CLVS1: variants seen among roughly 807,000 people sequenced by gnomAD.
CLVS1 encodes the protein clavesin-1.
In CLVS1, 10 loss-of-function variants were observed where a neutral mutation model predicts 33.1. That is an observed-to-expected ratio of 0.30 (90% confidence interval 0.19 to 0.51). The LOEUF (loss-of-function observed/expected upper bound fraction) is 0.51, where lower values mean the gene tolerates loss of function less well. Ranked by LOEUF, CLVS1 falls within the 20% of genes least tolerant of loss-of-function variation. The pLI, the probability that CLVS1 is intolerant of heterozygous loss-of-function variation, is 0.97. For synonymous variants in CLVS1, 163 were observed against 166.1 expected (o/e 0.98, Z 0.14); for missense variants, 343 against 433.4 (o/e 0.79, Z 1.85).
chr8:60,974,710 C>A, the CLVS1 span, among the ~76,000 whole-genome samples: 1 of 149,932 alleles, frequency 6.7e-6, no homozygotes, highest in African/African-American at 2.5e-5. Context: ...ACCCGGGAGG[C>A]GGAGCTTGCA....
chr8:61,236,230 T>C (rs570849366), intron 2 of CLVS1, among the ~76,000 whole-genome samples: 30 of 152,234 alleles, frequency 2.0e-4, no homozygotes, highest in Admixed American at 7.2e-4. Flanking sequence ...GCATGAGATA[T>C]GGGCACAACA....
At chr8:61,099,878 A>G (rs1805418037) in intron 1 of CLVS1, among the ~76,000 whole-genome samples, 1 of 152,244 alleles carries the variant, frequency 6.6e-6, no homozygotes, top group Admixed American at 6.5e-5. Flanking sequence ...TACAGAATAT[A>G]CTTAAAAATA....
chr8:61,095,808 T>C (rs1238738081), intron 1 of CLVS1, among the ~76,000 whole-genome samples: 1 of 152,224 alleles, frequency 6.6e-6, no homozygotes, highest in African/African-American at 2.4e-5. Context: ...TAGTCAGATA[T>C]CTTTTTTTAT....
At chr8:61,170,515 A>C (rs897215692) in intron 2 of CLVS1, among the ~76,000 whole-genome samples, 19 of 152,210 alleles carry the variant, frequency 1.2e-4, no homozygotes, top group African/African-American at 3.9e-4. Flanking sequence ...CACTGTGAAG[A>C]ATTCCTTATA....
intron 2 of CLVS1, among the ~76,000 whole-genome samples, chr8:61,365,535 A>G (rs1813166746): frequency 6.6e-6 from 1 of 152,102 alleles, no homozygotes; most frequent in African/African-American, 2.4e-5. Context: ...GTCAAAAAAA[A>G]AAAAAATCTA....
At chr8:61,286,101 C>A (rs1363306240), upstream of CLVS1, among the ~76,000 whole-genome samples, 1 of 151,850 alleles carries the variant, frequency 6.6e-6, no homozygotes, top group Non-Finnish European at 1.5e-5. Flanking sequence ...AACTCTGCAG[C>A]CCCAGTGACT....
At chr8:61,021,517 A>ATT in the CLVS1 span, among the ~76,000 whole-genome samples, 3 of 141,756 alleles carry the variant, frequency 2.1e-5, no homozygotes, top group Non-Finnish European at 4.7e-5. Context: ...TGACTGGCTA[A>ATT]TTTTTTTTTT....
chr8:61,141,222 TC>T (rs1563418225), intron 2 of CLVS1, among the ~76,000 whole-genome samples: 2 of 152,174 alleles, frequency 1.3e-5, no homozygotes, highest in Non-Finnish European at 2.9e-5. Flanking sequence ...CTGCTTCTCC[TC>T]CTCCTTTTTC....
At chr8:61,492,158 C>A (rs942297878) in intron 5 of CLVS1, among the ~76,000 whole-genome samples, 1 of 152,126 alleles carries the variant, frequency 6.6e-6, no homozygotes, top group African/African-American at 2.4e-5. Context: ...AGGCTCCAGA[C>A]CAATGCTATC....
intron 2 of CLVS1, among the ~76,000 whole-genome samples, chr8:61,246,849 G>C (rs1808821254): frequency 6.6e-6 from 1 of 151,998 alleles, no homozygotes; most frequent in South Asian, 2.1e-4. Flanking sequence ...GTGAAAGTTT[G>C]TTACATAGAT....
intron 3 of CLVS1, among the ~76,000 whole-genome samples, chr8:61,390,190 T>C (rs112506893): frequency 0.022 from 3,358 of 152,328 alleles, 107 homozygotes; most frequent in African/African-American, 0.076. Flanking sequence ...TATACCCAAT[T>C]CTACTCAGAA....
At chr8:61,398,457 C>T (rs1814622613) in intron 3 of CLVS1, among the ~76,000 whole-genome samples, 1 of 152,156 alleles carries the variant, frequency 6.6e-6, no homozygotes, top group Non-Finnish European at 1.5e-5. Flanking sequence ...GCTGGGATTG[C>T]AGACGTGAGC....
intron 5 of CLVS1, among the ~76,000 whole-genome samples, chr8:61,491,854 A>C (rs1180220844): frequency 6.6e-6 from 1 of 152,236 alleles, no homozygotes; most frequent in Admixed American, 6.5e-5. Context: ...TTTCACTTTT[A>C]TCTAAATGAT....
chr8:61,417,694 G>A (rs1303317768), intron 3 of CLVS1, among the ~76,000 whole-genome samples: 1 of 152,172 alleles, frequency 6.6e-6, no homozygotes, highest in East Asian at 1.9e-4. Context: ...CTTCCAACTA[G>A]GTACTCACAA....
intron 2 of CLVS1, among the ~76,000 whole-genome samples, chr8:61,342,680 G>T (rs1209443895): frequency 6.6e-6 from 1 of 152,128 alleles, no homozygotes; most frequent in African/African-American, 2.4e-5. Flanking sequence ...ATAACAAATT[G>T]CAATTATGTG....
intron 1 of CLVS1, among the ~76,000 whole-genome samples, chr8:61,090,464 C>G (rs2129284302): frequency 6.6e-6 from 1 of 152,112 alleles, no homozygotes; most frequent in Non-Finnish European, 1.5e-5. Flanking sequence ...TGTTGGACTC[C>G]CAAAATTCGA....
At chr8:61,442,408 A>G (rs192506386) in intron 3 of CLVS1, among the ~76,000 whole-genome samples, 2 of 152,304 alleles carry the variant, frequency 1.3e-5, no homozygotes, top group East Asian at 1.9e-4. Flanking sequence ...GTGTCTTTGT[A>G]CCAGTTTTTG....
chr8:61,003,784 C>T, the CLVS1 span, among the ~76,000 whole-genome samples: 1 of 152,176 alleles, frequency 6.6e-6, no homozygotes, highest in Non-Finnish European at 1.5e-5. Context: ...TATGACATAC[C>T]TGCCATGTAC....
chr8:61,095,501 A>G (rs1805337024), intron 1 of CLVS1, among the ~76,000 whole-genome samples: 2 of 152,168 alleles, frequency 1.3e-5, no homozygotes, highest in Admixed American at 6.5e-5. Context: ...GCAGTGTCCC[A>G]TGGAAACCCA....
Sources: gnomAD v4.1 joint callset for allele counts (sites outside exome capture counted in the v4.1 genomes callset) on GRCh38, gnomAD v4.1.1 for gene constraint, MANE v1.5 for transcripts, NCBI Gene and HGNC (gene_info 2026-07-23, HGNC 2026-07-21) for gene names.